ADAMTSL3: variants seen among roughly 807,000 people sequenced by gnomAD.
The protein encoded by ADAMTSL3 is ADAMTS-like protein 3.
In ADAMTSL3, 128 loss-of-function variants were observed where a neutral mutation model predicts 201.7. The ratio of observed to expected loss-of-function variants is 0.63; its 90% CI spans 0.55 to 0.73. The LOEUF (loss-of-function observed/expected upper bound fraction) is 0.73, where lower values mean the gene tolerates loss of function less well. ADAMTSL3 is among the 30% of genes least tolerant of loss of function. The pLI, the probability that ADAMTSL3 is intolerant of heterozygous loss-of-function variation, is 0.00. For missense variants in ADAMTSL3, 1,990 were observed against 2,119.6 expected (o/e 0.94, Z 1.20); for synonymous variants, 738 against 748.4 (o/e 0.99, Z 0.23).
At chr15:83,856,497 A>AT in intron 7 of ADAMTSL3, among the ~76,000 whole-genome samples, 1 of 152,194 alleles carries the variant, frequency 6.6e-6, no homozygotes, top group South Asian at 2.1e-4. Flanking sequence ...TTTTAAAAAA[A>AT]GCTAAATAAG....
At position 84,037,852 on chromosome 15, in the gene ADAMTSL3, A is replaced by G; in HGVS notation, c.*46A>G. The G allele has an allele frequency of 6.4e-7, 1 of 1,568,416 alleles. No homozygotes were observed. Among genetic ancestry groups the G allele is most frequent in the Non-Finnish European group, 8.6e-7 (1 of 1,164,060 alleles). On this transcript the variant is annotated 3_prime_UTR_variant, in exon 30 of 30. Transcript: ENST00000286744. ...GCTGCTGTGAAGATAAAAGTAGAATATAAAAGCTCTTTTCCCCATGTCGCT... is the reference window on the plus strand; with the variant it reads ...GCTGCTGTGAAGATAAAAGTAGAATGTAAAAGCTCTTTTCCCCATGTCGCT...
intron 16 of ADAMTSL3, among the ~76,000 whole-genome samples, chr15:83,922,597 T>C (rs1353980647): frequency 6.6e-6 from 1 of 152,246 alleles, no homozygotes; most frequent in African/African-American, 2.4e-5. Context: ...AATGCCTTCT[T>C]ATATCTCACG....
chr15:83,719,476 A>G lies in ADAMTSL3; in HGVS notation c.189+14968A>G, dbSNP rs550322696. Among the ~76,000 whole-genome samples, 203 of 152,350 alleles carry G rather than the reference A, an allele frequency of 1.3e-3. 1 individual carries two copies. Among genetic ancestry groups the G allele is most frequent in the South Asian group, 0.012 (58 of 4,826 alleles). Reference sequence around the variant, plus strand: ...ACACTCTTTATGACATTTATAAGAAAATTGGAAAATTACTATTTTGTTGTC... The same window carrying G: ...ACACTCTTTATGACATTTATAAGAAGATTGGAAAATTACTATTTTGTTGTC... On this transcript the variant is annotated intron_variant, in intron 3 of 29. Coordinates refer to ENST00000286744, the MANE Select transcript of ADAMTSL3 (RefSeq NM_207517.3).
At chr15:83,933,765 G>A (rs1358549671) in intron 17 of ADAMTSL3, among the ~76,000 whole-genome samples, 1 of 152,154 alleles carries the variant, frequency 6.6e-6, no homozygotes, top group African/African-American at 2.4e-5. Flanking sequence ...TGCAGTCTCA[G>A]GACTTGGTGC....
intron 16 of ADAMTSL3, among the ~76,000 whole-genome samples, chr15:83,918,601 T>A (rs1488402730): frequency 6.6e-6 from 1 of 152,094 alleles, no homozygotes; most frequent in African/African-American, 2.4e-5. Context: ...ATTCCAGGAA[T>A]GGAAGAAGCC....
At chr15:83,910,130 G>C (rs941221838) in intron 15 of ADAMTSL3, among the ~76,000 whole-genome samples, 1 of 152,108 alleles carries the variant, frequency 6.6e-6, no homozygotes, top group Admixed American at 6.5e-5. Flanking sequence ...TGTGACAATA[G>C]TGTTATTATG....
intron 9 of ADAMTSL3, among the ~76,000 whole-genome samples, chr15:83,872,182 T>G (rs2065093031): frequency 6.6e-6 from 1 of 152,186 alleles, no homozygotes; most frequent in Non-Finnish European, 1.5e-5. Flanking sequence ...GGTTTGTTTT[T>G]TTTTTCTTTC....
At chr15:84,034,377 C>T (rs2068465063) in intron 28 of ADAMTSL3, among the ~76,000 whole-genome samples, 1 of 152,022 alleles carries the variant, frequency 6.6e-6, no homozygotes, top group African/African-American at 2.4e-5. Context: ...GTGGCGTGGG[C>T]AGAGGATCAG....
chr15:83,989,837 T>C (rs1359596715), intron 22 of ADAMTSL3, among the ~76,000 whole-genome samples: 1 of 152,274 alleles, frequency 6.6e-6, no homozygotes, highest in Non-Finnish European at 1.5e-5. Context: ...GCAAATTTTA[T>C]ACATGTATTT....
chr15:83,941,073 T>G (rs1186688577), intron 17 of ADAMTSL3, among the ~76,000 whole-genome samples: 3 of 151,912 alleles, frequency 2.0e-5, no homozygotes, highest in Admixed American at 6.5e-5. Context: ...TATTTTAAAT[T>G]TTTTAATTTT....
intron 3 of ADAMTSL3, among the ~76,000 whole-genome samples, chr15:83,739,140 A>G (rs2062414277): frequency 6.6e-6 from 1 of 152,046 alleles, no homozygotes; most frequent in Non-Finnish European, 1.5e-5. Context: ...ACTCTGAGAT[A>G]TGTTTAAAAA....
At chr15:83,866,721 G>A (rs541201149) in intron 8 of ADAMTSL3, among the ~76,000 whole-genome samples, 1 of 152,154 alleles carries the variant, frequency 6.6e-6, no homozygotes, top group African/African-American at 2.4e-5. Context: ...TAACTAACCT[G>A]CACATTGTGT....
At chr15:83,812,973 G>A (rs1021377050) in intron 5 of ADAMTSL3, among the ~76,000 whole-genome samples, 1 of 152,188 alleles carries the variant, frequency 6.6e-6, no homozygotes, top group Non-Finnish European at 1.5e-5. Context: ...TCAGGTTTCG[G>A]TGAGTGCACA....
At chr15:83,773,177 T>A (rs1237739594) in intron 3 of ADAMTSL3, among the ~76,000 whole-genome samples, 1 of 152,070 alleles carries the variant, frequency 6.6e-6, no homozygotes, top group Non-Finnish European at 1.5e-5. Flanking sequence ...TTTGGGAGGC[T>A]GAGGCGGGCA....
In ADAMTSL3 at chr15:83,890,334, A is replaced by G. The variant is rs775139249; in HGVS notation, c.1211+87A>G. ...CTGATCAATCTTTGCAGGGCAATACATTTCCATTTCCTGGCTTTGTCTACT... is the reference window on the plus strand; with the variant it reads ...CTGATCAATCTTTGCAGGGCAATACGTTTCCATTTCCTGGCTTTGTCTACT... On this transcript the variant is annotated intron_variant, in intron 11 of 29. Coordinates refer to ENST00000286744, the MANE Select transcript of ADAMTSL3 (RefSeq NM_207517.3). 1.8e-5 allele frequency: 27 copies of G among 1,489,798 alleles called. No homozygotes were observed. The Admixed American group carries it at 3.1e-4, about 17-fold the overall frequency. The allele number at this position is 1,489,798 out of a possible 1,614,324, so 92.3% of individuals were successfully genotyped here.
intron 9 of ADAMTSL3, among the ~76,000 whole-genome samples, chr15:83,882,977 A>G (rs1219853722): frequency 6.6e-6 from 1 of 151,952 alleles, no homozygotes; most frequent in Non-Finnish European, 1.5e-5. Flanking sequence ...TTGTCTCTTC[A>G]TCATTCTATT....
At chr15:83,820,735 T>A (rs552845309) in intron 6 of ADAMTSL3, among the ~76,000 whole-genome samples, 21 of 152,172 alleles carry the variant, frequency 1.4e-4, no homozygotes, top group African/African-American at 5.1e-4. Flanking sequence ...CTGTGACAAA[T>A]GTGACTGAGA....
chr15:83,978,238 G>A (rs180903115), intron 20 of ADAMTSL3, among the ~76,000 whole-genome samples: 1 of 152,228 alleles, frequency 6.6e-6, no homozygotes, highest in East Asian at 1.9e-4. Context: ...AGTAAGCAAG[G>A]AGCTGAGGTC....
At chr15:83,691,348 C>A (rs1253065426) in intron 2 of ADAMTSL3, among the ~76,000 whole-genome samples, 1 of 152,184 alleles carries the variant, frequency 6.6e-6, no homozygotes, top group Non-Finnish European at 1.5e-5. Flanking sequence ...ACATGTTGCC[C>A]ACCTTTAGCA....
Sources: gnomAD v4.1 joint callset for allele counts (sites outside exome capture counted in the v4.1 genomes callset) on GRCh38, gnomAD v4.1.1 for gene constraint, MANE v1.5 for transcripts, NCBI Gene and HGNC (gene_info 2026-07-23, HGNC 2026-07-21) for gene names.